The following BOLL variants were observed in gnomAD, a reference collection of about 807,000 sequenced individuals.
The protein encoded by BOLL is boule RNA binding protein.
Under a neutral mutation model 44.4 loss-of-function variants are expected in BOLL, and 23 were observed. The ratio of observed to expected loss-of-function variants is 0.52; its 90% CI spans 0.37 to 0.73. The LOEUF (loss-of-function observed/expected upper bound fraction) is 0.73, where lower values mean the gene tolerates loss of function less well. BOLL is among the 30% of genes least tolerant of loss of function. BOLL has a pLI of 0.00. For synonymous variants in BOLL, 97 were observed against 110.8 expected, an observed-to-expected ratio of 0.88 and a Z score of 0.78; for missense variants, 287 against 338.3, an observed-to-expected ratio of 0.85 and a Z score of 1.19.
At chr2:197,775,108 G>A (rs1203243598) in intron 5 of BOLL, among the ~76,000 whole-genome samples, 2 of 151,780 alleles carry the variant, frequency 1.3e-5, no homozygotes, top group Non-Finnish European at 2.9e-5. Context: ...TTAATAAGTA[G>A]AAAGAGTGAG....
At chr2:197,753,728 C>T (rs368805684) in intron 9 of BOLL, among the ~76,000 whole-genome samples, 5 of 152,278 alleles carry the variant, frequency 3.3e-5, no homozygotes, top group East Asian at 1.9e-4. Flanking sequence ...GACAGTGTGG[C>T]GATTCCTCAA....
intron 10 of BOLL, among the ~76,000 whole-genome samples, chr2:197,734,583 G>T (rs944524532): frequency 1.3e-5 from 2 of 152,162 alleles, no homozygotes; most frequent in Non-Finnish European, 2.9e-5. Flanking sequence ...TGATAGAGTG[G>T]ATTAAGAAAA....
At chr2:197,774,896 T>G (rs1296324350) in intron 5 of BOLL, 3 of 151,898 alleles carry the variant, frequency 2.0e-5, no homozygotes, top group Admixed American at 6.6e-5. Flanking sequence ...AGCATAACAG[T>G]CCAAATGAAT....
At chr2:197,747,532 G>T (rs1028921631) in intron 9 of BOLL, among the ~76,000 whole-genome samples, 1 of 138,774 alleles carries the variant, frequency 7.2e-6, no homozygotes, top group Non-Finnish European at 1.5e-5. Flanking sequence ...GCAGTGAGCC[G>T]AGATGGCACC....
chr2:197,739,503 T>C (rs1307868660), intron 10 of BOLL, among the ~76,000 whole-genome samples: 1 of 152,128 alleles, frequency 6.6e-6, no homozygotes, highest in Admixed American at 6.6e-5. Flanking sequence ...AGATAGTTTT[T>C]AAAATTTTTA....
chr2:197,780,025 G>A (rs915675027), intron 2 of BOLL, among the ~76,000 whole-genome samples: 6 of 152,068 alleles, frequency 3.9e-5, no homozygotes, highest in Middle Eastern at 3.4e-3. Context: ...GACAAATACT[G>A]ATTCAATCTA....
intron 7 of BOLL, among the ~76,000 whole-genome samples, chr2:197,760,758 C>G (rs948437363): frequency 3.3e-5 from 5 of 151,824 alleles, no homozygotes; most frequent in Admixed American, 1.3e-4. Flanking sequence ...CTAGCAGATT[C>G]AATCTAAACA....
chr2:197,759,833 C>T (rs1010789420), intron 7 of BOLL, among the ~76,000 whole-genome samples: 1 of 152,222 alleles, frequency 6.6e-6, no homozygotes, highest in Non-Finnish European at 1.5e-5. Flanking sequence ...GGTTACACAC[C>T]TGCATACAGG....
intron 10 of BOLL, among the ~76,000 whole-genome samples, chr2:197,728,947 T>C (rs1686982220): frequency 6.6e-6 from 1 of 152,150 alleles, no homozygotes; most frequent in African/African-American, 2.4e-5. Context: ...CAGGAGGCTA[T>C]TTAGAACGCT....
In BOLL at chr2:197,728,319, G is replaced by T; in HGVS notation, c.*236C>A. 1 of 598,044 alleles carries T rather than the reference G, an allele frequency of 1.7e-6. No homozygotes were observed. The highest frequency in any genetic ancestry group is 2.2e-5 in the South Asian group (1 of 44,774). 37.0% of individuals were successfully genotyped at this position (598,044 alleles called of 1,614,324 possible). ...AGAAAAGGTCATTACAGTTAGGTTA[G>T]CACATAAAAAACCAACATGCCACAT... On this transcript the variant is annotated 3_prime_UTR_variant, in exon 11 of 11. Coordinates refer to ENST00000392296, the MANE Select transcript of BOLL (RefSeq NM_033030.6).
At chr2:197,778,396 C>T (rs748740593) in intron 3 of BOLL, among the ~76,000 whole-genome samples, 1 of 151,828 alleles carries the variant, frequency 6.6e-6, no homozygotes, top group Non-Finnish European at 1.5e-5. Flanking sequence ...CTATCTTTTT[C>T]CTTTCTGAAA....
At chr2:197,745,313 C>A (rs144875010) in intron 9 of BOLL, among the ~76,000 whole-genome samples, 1 of 151,764 alleles carries the variant, frequency 6.6e-6, no homozygotes, top group African/African-American at 2.4e-5. Context: ...GGGAAAAAAA[C>A]ACTTCAACTG....
intron 1 of BOLL, among the ~76,000 whole-genome samples, chr2:197,783,974 T>C (rs769902349): frequency 6.6e-6 from 1 of 152,276 alleles, no homozygotes; most frequent in African/African-American, 2.4e-5. Context: ...TTATATTTCA[T>C]TGAGAGAAGG....
chr2:197,781,761 C>T lies in BOLL; in HGVS notation c.90G>A (p.Val30=). 6.2e-7 allele frequency: 1 copy of T among 1,601,214 alleles called. No homozygotes were observed. The highest frequency in any genetic ancestry group is 8.5e-7 in the Non-Finnish European group (1 of 1,171,316). The change falls in exon 2 of 11, where the codon GTG becomes GTA. Residue 30 remains valine (V), a synonymous_variant. Coordinates refer to ENST00000392296, the MANE Select transcript of BOLL (RefSeq NM_033030.6). ...CTCCTACAAAGATGCGATTAGGGAT[C>T]ACTGTTCCATATCTTGGGGCACTTG... ...NPTSAPRYGT[V]IPNRIFVGGI...
At chr2:197,756,974 G>T (rs1574838151) in intron 8 of BOLL, among the ~76,000 whole-genome samples, 1 of 152,040 alleles carries the variant, frequency 6.6e-6, no homozygotes, top group African/African-American at 2.4e-5. Flanking sequence ...ACCAAAAGTT[G>T]GGAAATAGAA....
intron 10 of BOLL, among the ~76,000 whole-genome samples, chr2:197,732,989 G>C (rs1309716944): frequency 7.4e-6 from 1 of 135,634 alleles, no homozygotes; most frequent in South Asian, 2.6e-4. Flanking sequence ...GGAAATAAAG[G>C]GTATTCAATT....
At position 197,779,870 on chromosome 2, in the gene BOLL, T is replaced by C; in HGVS notation, c.130-804A>G. On this transcript the variant is annotated intron_variant, in intron 2 of 10. Transcript: ENST00000392296. ...ACTGTTTGTCTACAAGAGTAACTTT[T>C]CTCTAGAAAAAAATTTCTTTATATA... Among the ~76,000 whole-genome samples, 2 of 152,002 alleles carry C rather than the reference T, an allele frequency of 1.3e-5. 1 individual carries two copies. The highest frequency in any genetic ancestry group is 2.9e-5 in the Non-Finnish European group (2 of 67,894).
intron 6 of BOLL, among the ~76,000 whole-genome samples, chr2:197,766,956 G>T (rs1689028186): frequency 6.6e-6 from 1 of 151,872 alleles, no homozygotes; most frequent in African/African-American, 2.4e-5. Flanking sequence ...TCCATTGTGG[G>T]GACCAGCAGG....
rs111687205 is a variant in BOLL at position 197,775,628 on chromosome 2, A to C, written c.352+37T>G. 2.1e-4 allele frequency: 266 copies of C among 1,291,310 alleles called. No individual in the cohort carries two copies. The African/African-American group carries it at 3.4e-3, about 16-fold the overall frequency. 80.0% of individuals were successfully genotyped at this position (1,291,310 alleles called of 1,614,324 possible). A position where few individuals can be genotyped will look rare whatever the true frequency, so the allele number is the denominator to read the frequency against. ...CTTATATTTCAAAAAAGAACCATGC[A>C]AAAATATTTAAAAATACATTAGTTC... On this transcript the variant is annotated intron_variant, in intron 5 of 10. Coordinates refer to ENST00000392296, the MANE Select transcript of BOLL (RefSeq NM_033030.6).
Sources: gnomAD v4.1 joint callset for allele counts (sites outside exome capture counted in the v4.1 genomes callset) on GRCh38, gnomAD v4.1.1 for gene constraint, MANE v1.5 for transcripts, NCBI Gene and HGNC (gene_info 2026-07-23, HGNC 2026-07-21) for gene names.